Variants in ADGRV1 observed in about 807,000 individuals in gnomAD.
ADGRV1 encodes the protein G-protein coupled receptor 98.
In ADGRV1, 359 loss-of-function variants were observed where a neutral mutation model predicts 596.2. That is an observed-to-expected ratio of 0.60 (90% CI 0.55 to 0.66). The LOEUF (loss-of-function observed/expected upper bound fraction) is 0.66, where lower values mean the gene tolerates loss of function less well. ADGRV1 is among the 30% of genes least tolerant of loss of function. ADGRV1 has a pLI of 0.00. For synonymous variants in ADGRV1, 2,681 were observed against 2,679.2 expected, an observed-to-expected ratio of 1.00 and a Z score of -0.02; for missense variants, 7,274 against 7,575.6, an observed-to-expected ratio of 0.96 and a Z score of 1.48.
chr5:90,723,322 A>G (rs1049915468), intron 45 of ADGRV1, among the ~76,000 whole-genome samples: 3 of 152,074 alleles, frequency 2.0e-5, no homozygotes, highest in African/African-American at 7.2e-5. Flanking sequence ...TGGATGGAAA[A>G]GGTAGAGAAA....
At chr5:90,758,190 G>T (rs911337931) in intron 57 of ADGRV1, among the ~76,000 whole-genome samples, 4 of 152,002 alleles carry the variant, frequency 2.6e-5, no homozygotes, top group Non-Finnish European at 5.9e-5. Flanking sequence ...AAAATTAGCC[G>T]GGCGTGGTGG....
chr5:90,878,486 T>C (rs1454175506), intron 83 of ADGRV1, among the ~76,000 whole-genome samples: 3 of 152,210 alleles, frequency 2.0e-5, no homozygotes, highest in Non-Finnish European at 2.9e-5. Context: ...ACCACTAGAA[T>C]GCTGTTTTGT....
Position 90,782,855 on chromosome 5 carries a change from C to CAG in ADGRV1, c.13232-268_13232-267dup, listed in dbSNP as rs147655563. On this transcript the variant is annotated intron_variant, in intron 65 of 89. Transcript: ENST00000405460. The stretch of plus-strand genomic sequence containing the variant: ...GGATCATTTGTTTTTATGTAGTACA[C>CAG]AGGGAGAATGCCAATGCTACTGATT... Among the ~76,000 whole-genome samples the CAG allele has an allele frequency of 0.17, 25,272 of 152,012 alleles. 4,715 individuals are homozygous for CAG. Among genetic ancestry groups the CAG allele is most frequent in the African/African-American group, 0.46 (19,215 of 41,396 alleles).
intron 85 of ADGRV1, among the ~76,000 whole-genome samples, chr5:91,054,071 T>TTGTG (rs769226492): frequency 0.013 from 1,663 of 133,012 alleles, 22 homozygotes; most frequent in African/African-American, 0.03. Context: ...CTGTGTGTGT[T>TTGTG]TGTGTGTGTG....
At chr5:90,902,607 A>G (rs542137800) in intron 83 of ADGRV1, among the ~76,000 whole-genome samples, 1 of 152,252 alleles carries the variant, frequency 6.6e-6, no homozygotes, top group South Asian at 2.1e-4. Flanking sequence ...CTAGAGGGCA[A>G]TTGTTGTCTT....
chr5:90,985,395 C>G lies in ADGRV1; in HGVS notation c.18025C>G (p.Arg6009Gly). 2 of 1,613,508 alleles carry G rather than the reference C, an allele frequency of 1.2e-6. No homozygotes were observed. Among genetic ancestry groups the G allele is most frequent in the Admixed American group, 3.3e-5 (2 of 59,992 alleles). Residue 6009 changes from arginine (R) to glycine (G), a missense_variant, in exon 85 of 90, where the codon CGA (arginine) becomes GGA (glycine). By Grantham distance (125) the Arg-to-Gly change is moderately radical. Transcript: ENST00000405460. ...LVMNDEHTER[R>G]YLLFFLLSWG... ...GATGAATGATGAGCACACAGAGAGG[C>G]GATATCTGCTGTTTTTCCTTCTGAG...
intron 86 of ADGRV1, among the ~76,000 whole-genome samples, chr5:91,097,240 C>T (rs1263284351): frequency 6.6e-6 from 1 of 152,164 alleles, no homozygotes; most frequent in Non-Finnish European, 1.5e-5. Flanking sequence ...GGTGTGTCCT[C>T]ACATGGTGGA....
chr5:91,052,268 C>T (rs1324538356), intron 85 of ADGRV1, among the ~76,000 whole-genome samples: 1 of 150,564 alleles, frequency 6.6e-6, no homozygotes, highest in East Asian at 1.9e-4. Flanking sequence ...TAGCCTGATA[C>T]CTTCCATGTT....
intron 37 of ADGRV1, 88 bp from the exon 38 acceptor site, chr5:90,706,143 G>A (rs1021966163): frequency 1.8e-5 from 21 of 1,153,456 alleles, no homozygotes; most frequent in Admixed American, 2.5e-5. Context: ...TACTAAAGGT[G>A]CTTTTAGGAA....
At chr5:90,570,962 G>T (rs1471460766) in intron 1 of ADGRV1, among the ~76,000 whole-genome samples, 1 of 151,862 alleles carries the variant, frequency 6.6e-6, no homozygotes, top group Non-Finnish European at 1.5e-5. Context: ...CTTTTTTCCT[G>T]TGTATTGCTC....
chr5:91,151,315 T>A (rs11745446), intron 88 of ADGRV1, among the ~76,000 whole-genome samples: 135,768 of 152,222 alleles, frequency 0.89, 60,877 homozygotes, highest in Non-Finnish European at 0.94. Context: ...GAGAAATTTT[T>A]ATATACAGAA....
At chr5:90,917,775 C>T (rs1773512441) in intron 83 of ADGRV1, among the ~76,000 whole-genome samples, 1 of 152,168 alleles carries the variant, frequency 6.6e-6, no homozygotes. Context: ...ACCAAGAAAT[C>T]CAGATGCTTA....
At chr5:91,025,649 G>T (rs1011828947) in intron 85 of ADGRV1, among the ~76,000 whole-genome samples, 5 of 152,062 alleles carry the variant, frequency 3.3e-5, no homozygotes, top group African/African-American at 1.2e-4. Context: ...CCACCCTTCT[G>T]CTGCACATTC....
chr5:90,689,959 C>T lies in ADGRV1; in HGVS notation c.6589C>T (p.Leu2197=). Residue 2197 remains leucine (L), a synonymous_variant, in exon 30 of 90, where the codon CTG becomes TTG. Transcript: ENST00000405460. The stretch of plus-strand genomic sequence containing the variant: ...TGTCATTAATGATATCTATCCTGAA[C>T]TGGAAGAATCTTTTCTTGTGCAACT... The part of the protein sequence containing the change: ...IYVINDIYPE[L]EESFLVQLMN... 1 of 1,611,660 alleles carries T rather than the reference C, an allele frequency of 6.2e-7. No homozygotes were observed. Among genetic ancestry groups the T allele is most frequent in the South Asian group, 1.1e-5 (1 of 90,566 alleles).
Position 91,094,009 on chromosome 5 carries a change from A to T in ADGRV1, c.18311-8210A>T, listed in dbSNP as rs565773872. ...TGGGATTACAGGCATGCGCCACCAC[A>T]CCCAGCTAATTTTTGTATTTTTAGT... On this transcript the variant is annotated intron_variant, in intron 86 of 89. Coordinates refer to ENST00000405460, the MANE Select transcript of ADGRV1 (RefSeq NM_032119.4). Among the ~76,000 whole-genome samples the T allele has an allele frequency of 1.1e-4, 17 of 151,636 alleles. No individual in the cohort carries two copies. In the South Asian group the frequency reaches 3.3e-3, roughly 30 times the overall value.
chr5:90,674,524 A>C (rs1444670114), intron 23 of ADGRV1: 3 of 218,054 alleles, frequency 1.4e-5, no homozygotes, highest in Non-Finnish European at 2.7e-5. Flanking sequence ...TTAATTTAAT[A>C]ATTATCCTAT....
chr5:91,042,795 T>C (rs972374591), intron 85 of ADGRV1, among the ~76,000 whole-genome samples: 1 of 152,188 alleles, frequency 6.6e-6, no homozygotes, highest in Non-Finnish European at 1.5e-5. Context: ...AACAAACTTG[T>C]GCTTGTAGAC....
chr5:90,860,035 G>T (rs1247879500), intron 82 of ADGRV1, among the ~76,000 whole-genome samples: 1 of 151,896 alleles, frequency 6.6e-6, no homozygotes, highest in Non-Finnish European at 1.5e-5. Context: ...AGGCTGCAGT[G>T]AGCTATGACC....
chr5:90,877,067 A>C (rs1025173458), intron 83 of ADGRV1, among the ~76,000 whole-genome samples: 14 of 152,222 alleles, frequency 9.2e-5, no homozygotes, highest in African/African-American at 3.4e-4. Flanking sequence ...TATTAATTCT[A>C]TCCAGGTTGA....
Sources: allele counts gnomAD v4.1 joint callset (sites outside exome capture counted in the v4.1 genomes callset), GRCh38; gene constraint gnomAD v4.1.1; transcripts MANE v1.5; gene names NCBI Gene and HGNC (gene_info 2026-07-23, HGNC 2026-07-21).